The following SLC12A4 variants were observed in gnomAD, a reference collection of about 807,000 sequenced individuals.
SLC12A4 encodes the protein electroneutral potassium-chloride cotransporter 1.
A neutral mutation model predicts 119.2 loss-of-function variants in SLC12A4; 84 were observed. The ratio of observed to expected loss-of-function variants is 0.70; its 90% CI spans 0.59 to 0.85. The LOEUF is 0.85. Ranked by LOEUF, SLC12A4 falls within the 40% of genes least tolerant of loss-of-function variation. SLC12A4 has a pLI of 0.00. For missense variants in SLC12A4, 1,298 were observed against 1,476.3 expected, an observed-to-expected ratio of 0.88 and a Z score of 1.98; for synonymous variants, 599 against 604.6, an observed-to-expected ratio of 0.99 and a Z score of 0.14.
intron 2 of SLC12A4, among the ~76,000 whole-genome samples, chr16:67,961,912 C>T (rs545982945): frequency 9.2e-5 from 14 of 152,214 alleles, no homozygotes; most frequent in South Asian, 2.1e-4. Context: ...CCCAGCCCCG[C>T]GGCTGCTTCT....
At position 67,948,148 on chromosome 16, in the gene SLC12A4, A is replaced by G. The variant is rs1179215343; in HGVS notation, c.1760T>C (p.Met587Thr). 1.1e-5 allele frequency: 18 copies of G among 1,613,234 alleles called. No individual in the cohort carries two copies. The highest frequency in any genetic ancestry group is 1.5e-5 in the Non-Finnish European group (18 of 1,179,976). ...VAPILSMFFLMCYLFVNLACA... is the reference protein window; with the variant it reads ...VAPILSMFFLTCYLFVNLACA... ...GGCGAGGTTCACGAACAGGTAGCAC[A>G]TCAGAAAGAACCTGCGGCACAGAGG... The change falls in exon 14 of 24, where the codon ATG becomes ACG. Residue 587 changes from methionine to threonine, a missense_variant. Transcript: ENST00000316341.
In SLC12A4 at chr16:67,943,657, C is replaced by T. The variant is rs1469096937; in HGVS notation, c.*1183G>A. On this transcript the variant is annotated 3_prime_UTR_variant, in exon 24 of 24. Coordinates refer to ENST00000316341, the MANE Select transcript of SLC12A4 (RefSeq NM_005072.5). This position sits in a 1 kb window ranked among gnomAD's most constrained non-coding sequence, Gnocchi z 4.6. ...GGAGTGGTGGGGCTTGGCCCAGAGT[C>T]TGGTGTGGCTGTGACTGACCACAGC... The T allele has an allele frequency of 1.9e-6, 1 of 532,738 alleles. No homozygotes were observed. The highest frequency in any genetic ancestry group is 3.3e-5 in the Admixed American group (1 of 30,744). 33.0% of individuals were successfully genotyped at this position (532,738 alleles called of 1,614,324 possible).
chr16:67,947,779 G>A lies in SLC12A4; in HGVS notation c.1857C>T (p.Ser619=), dbSNP rs746128366. 7 of 1,595,202 alleles carry A rather than the reference G, an allele frequency of 4.4e-6. No individual in the cohort carries two copies. Among genetic ancestry groups the A allele is most frequent in the East Asian group, 2.3e-5 (1 of 43,896 alleles). ...CCAGGCAGAGACTCATGCCCAGGAA[G>A]GACAGCGCCCTGGACGAGAGGGGAG... The part of the protein sequence containing the change: ...PRFKYYHWAL[S]FLGMSLCLAL... The change falls in exon 15 of 24, where the codon TCC becomes TCT. Residue 619 remains serine, a synonymous_variant. Coordinates refer to ENST00000316341, the MANE Select transcript of SLC12A4 (RefSeq NM_005072.5).
intron 3 of SLC12A4, among the ~76,000 whole-genome samples, 196 bp from the exon 4 acceptor site, chr16:67,958,240 C>G (rs2030384691): frequency 6.6e-6 from 1 of 152,184 alleles, no homozygotes; most frequent in Admixed American, 6.5e-5. Flanking sequence ...AAACCTGATT[C>G]TTTTTAAAAA....
Position 67,944,649 on chromosome 16 carries a change from C to T in SLC12A4, c.*191G>A. 7.0e-7 allele frequency: 1 copy of T among 1,423,604 alleles called. No individual in the cohort carries two copies. Among genetic ancestry groups the T allele is most frequent in the Non-Finnish European group, 9.2e-7 (1 of 1,092,420 alleles). 88.2% of individuals were successfully genotyped at this position (1,423,604 alleles called of 1,614,324 possible). ...AGTCCCCAAACATCCCAGGGTCCCA[C>T]AAGACCTGGGATCCATCTCCATTTT... On this transcript the variant is annotated 3_prime_UTR_variant, in exon 24 of 24. Transcript: ENST00000316341. This position sits in a 1 kb window ranked among gnomAD's most constrained non-coding sequence, Gnocchi z 6.6.
At chr16:67,945,648 G>A in intron 21 of SLC12A4, 95 bp from the exon 22 acceptor site, 3 of 1,507,576 alleles carry the variant, frequency 2.0e-6, no homozygotes, top group Non-Finnish European at 1.8e-6. Flanking sequence ...CGGGAAATGA[G>A]CACTAGCTTG....
intron 1 of SLC12A4, 88 bp from the exon 2 acceptor site, chr16:67,963,647 T>A: frequency 9.5e-7 from 1 of 1,054,522 alleles, no homozygotes; most frequent in Non-Finnish European, 1.4e-6. Flanking sequence ...AAATCATTTC[T>A]GTGGAGCACT....
At position 67,944,604 on chromosome 16, in the gene SLC12A4, A is replaced by G; in HGVS notation, c.*236T>C. Reference sequence around the variant, plus strand: ...AGTCTTCTCTGGCCAGGACAGGCCTACTGGGGTGCTAGATAGTAAAGTCCC... The same window carrying G: ...AGTCTTCTCTGGCCAGGACAGGCCTGCTGGGGTGCTAGATAGTAAAGTCCC... On this transcript the variant is annotated 3_prime_UTR_variant, in exon 24 of 24. Coordinates refer to ENST00000316341, the MANE Select transcript of SLC12A4 (RefSeq NM_005072.5). This position sits in a 1 kb window ranked among gnomAD's most constrained non-coding sequence, Gnocchi z 6.6. The G allele has an allele frequency of 2.2e-6, 3 of 1,384,700 alleles. No homozygotes were observed. The highest frequency in any genetic ancestry group is 2.7e-4 in the Middle Eastern group (1 of 3,696). 85.8% of individuals were successfully genotyped at this position (1,384,700 alleles called of 1,614,324 possible).
chr16:67,965,444 G>A (rs926316662), intron 1 of SLC12A4, among the ~76,000 whole-genome samples: 1 of 152,176 alleles, frequency 6.6e-6, no homozygotes, highest in Non-Finnish European at 1.5e-5. Context: ...TTTAGATAAA[G>A]TCACCATCTG....
intron 1 of SLC12A4, among the ~76,000 whole-genome samples, chr16:67,965,764 A>T (rs955732684): frequency 3.9e-5 from 6 of 152,178 alleles, no homozygotes; most frequent in African/African-American, 1.4e-4. Context: ...TCACTCTAGG[A>T]TGGCTCGGGG....
At chr16:67,968,230 G>C (rs1313974546) in intron 1 of SLC12A4, among the ~76,000 whole-genome samples, 1 of 152,026 alleles carries the variant, frequency 6.6e-6, no homozygotes, top group Non-Finnish European at 1.5e-5. Flanking sequence ...TGGAGAAAGC[G>C]GCCGGGCGCG....
rs571635076 is a variant in SLC12A4 at position 67,947,062 on chromosome 16, C to T, written c.2116G>A (p.Val706Met). ...AAGGTGAGGAGCCGCGGGTACTTCA[C>T]GTGGAGGTCCTCGTCCAGCTTCAGC... The part of the protein sequence containing the change: ...VLLKLDEDLH[V>M]KYPRLLTFAS... Residue 706 changes from valine (V) to methionine (M), a missense_variant, in exon 17 of 24, where the codon GTG (valine) becomes ATG (methionine). Transcript: ENST00000316341. The T allele has an allele frequency of 3.2e-5, 51 of 1,610,430 alleles. No individual in the cohort carries two copies. Among genetic ancestry groups the T allele is most frequent in the Admixed American group, 2.7e-4 (16 of 59,834 alleles).
intron 1 of SLC12A4, among the ~76,000 whole-genome samples, chr16:67,964,717 T>G (rs866899358): frequency 1.3e-5 from 2 of 152,162 alleles, no homozygotes; most frequent in Non-Finnish European, 2.9e-5. Context: ...AGTGGTGTGA[T>G]TGGGCCATGC....
chr16:67,958,097 G>A, intron 3 of SLC12A4, 53 bp from the exon 4 acceptor site: 1 of 1,583,594 alleles, frequency 6.3e-7, no homozygotes, highest in Non-Finnish European at 8.6e-7. Context: ...GATGCACCAT[G>A]GAGAGTCAGC....
At chr16:67,964,016 T>G in intron 1 of SLC12A4, 1 of 1,551,078 alleles carries the variant, frequency 6.4e-7, no homozygotes, top group South Asian at 1.2e-5. Context: ...ACACAGCACC[T>G]TCGGCTGCCA....
In SLC12A4 at chr16:67,947,423, C is replaced by T; in HGVS notation, c.1980G>A (p.Glu660=). ...ACAGGCCTCGGATCCCGTCACCCCA[C>T]TCCTTCTCAGCCCTGCAGATTCCAC... ...KYIEYQGAEK[E]WGDGIRGLSL... Residue 660 remains glutamate (E), a synonymous_variant, in exon 16 of 24, where the codon GAG becomes GAA. Transcript: ENST00000316341. 2 of 1,612,424 alleles carry T rather than the reference C, an allele frequency of 1.2e-6. No individual in the cohort carries two copies. The highest frequency in any genetic ancestry group is 1.7e-6 in the Non-Finnish European group (2 of 1,179,732).
chr16:67,957,378 C>T (rs951526527), intron 5 of SLC12A4, among the ~76,000 whole-genome samples: 3 of 152,042 alleles, frequency 2.0e-5, no homozygotes, highest in African/African-American at 7.3e-5. Flanking sequence ...ACCGTGTTGG[C>T]CAGGATGGTC....
Position 67,944,987 on chromosome 16 carries a change from C to A in SLC12A4, c.3167-56G>T. 1 of 1,611,408 alleles carries A rather than the reference C, an allele frequency of 6.2e-7. No individual in the cohort carries two copies. Among genetic ancestry groups the A allele is most frequent in the Non-Finnish European group, 8.5e-7 (1 of 1,178,670 alleles). ...CAGAATCAACGGGCAACCCGGGCCA[C>A]CTGGGCCATGCCCACCCAGGGGTGC... On this transcript the variant is annotated intron_variant, in intron 23 of 23. Coordinates refer to ENST00000316341, the MANE Select transcript of SLC12A4 (RefSeq NM_005072.5). This position sits in a 1 kb window ranked among gnomAD's most constrained non-coding sequence, Gnocchi z 6.6.
At chr16:67,945,347 G>C (rs1267253670) in intron 22 of SLC12A4, 22 bp downstream of exon 22, 9 of 1,604,634 alleles carry the variant, frequency 5.6e-6, no homozygotes, top group Admixed American at 1.7e-5. Context: ...AGTGCCGCTG[G>C]GGCTGTTTTT....
Sources: gnomAD v4.1 joint callset for allele counts (sites outside exome capture counted in the v4.1 genomes callset) on GRCh38, gnomAD v4.1.1 for gene constraint, Gnocchi (gnomAD v3.1) non-coding constraint, MANE v1.5 for transcripts, NCBI Gene and HGNC (gene_info 2026-07-23, HGNC 2026-07-21) for gene names.